The following CFAP46 variants were observed in gnomAD, a reference collection of about 807,000 sequenced individuals.
CFAP46 encodes cilia- and flagella-associated protein 46.
A neutral mutation model predicts 325.7 loss-of-function variants in CFAP46; 245 were observed. The ratio of observed to expected loss-of-function variants is 0.75; its 90% CI spans 0.68 to 0.84. The LOEUF (loss-of-function observed/expected upper bound fraction) is 0.84, where lower values mean the gene tolerates loss of function less well. Ranked by LOEUF, CFAP46 falls within the 40% of genes least tolerant of loss-of-function variation. The pLI is 0.00. For synonymous variants in CFAP46, 1,523 were observed against 1,495.9 expected, an observed-to-expected ratio of 1.02 and a Z score of -0.42; for missense variants, 3,346 against 3,543.0, an observed-to-expected ratio of 0.94 and a Z score of 1.41.
chr10:132,880,056 A>G (rs918164287), intron 28 of CFAP46, among the ~76,000 whole-genome samples: 1 of 152,148 alleles, frequency 6.6e-6, no homozygotes, highest in African/African-American at 2.4e-5. Flanking sequence ...GCCCTGAGCA[A>G]GCCAGCATTG....
chr10:132,910,691 A>G (rs1482210006), intron 19 of CFAP46, among the ~76,000 whole-genome samples: 2 of 152,168 alleles, frequency 1.3e-5, no homozygotes, highest in African/African-American at 4.8e-5. Context: ...TTGCTAACCC[A>G]GGGATGTCCC....
Position 132,847,036 on chromosome 10 carries a change from C to G in CFAP46, c.6163G>C (p.Gly2055Arg), listed in dbSNP as rs963977534. 6 of 1,612,160 alleles carry G rather than the reference C, an allele frequency of 3.7e-6. No homozygotes were observed. The highest frequency in any genetic ancestry group is 5.1e-6 in the Non-Finnish European group (6 of 1,179,848). ...GCTGCGACATCCAGGAGGCCACTGC[C>G]AAGGGCCACCTGTAGGCACTGCAGC... ...VLLQCLQVAL[G>R]SGLLDVAAAA... Residue 2055 changes from glycine (G) to arginine (R), a missense_variant, in exon 43 of 58, where the codon GGC becomes CGC. Transcript: ENST00000368586. The surrounding 1 kb of genome is among the most constrained non-coding windows in gnomAD (Gnocchi z 5.2).
intron 35 of CFAP46, among the ~76,000 whole-genome samples, chr10:132,862,817 G>A (rs11146552): frequency 0.32 from 48,043 of 148,820 alleles, 9,134 homozygotes; most frequent in Admixed American, 0.49. Context: ...GGGACGGGGC[G>A]GCCGGGCTGC....
intron 22 of CFAP46, among the ~76,000 whole-genome samples, chr10:132,902,647 T>A (rs1027059720): frequency 4.6e-5 from 7 of 152,228 alleles, no homozygotes; most frequent in Non-Finnish European, 1.0e-4. Context: ...TATTCTACTC[T>A]TTTCTTCCTG....
intron 8 of CFAP46, among the ~76,000 whole-genome samples, chr10:132,930,668 G>C (rs1473320504): frequency 2.4e-5 from 1 of 40,990 alleles, no homozygotes; most frequent in East Asian, 8.9e-4. Flanking sequence ...CACTCCCCAC[G>C]CAGAGCCTGG....
intron 3 of CFAP46, 96 bp from the exon 4 acceptor site, chr10:132,941,156 T>C: frequency 8.1e-7 from 1 of 1,234,250 alleles, no homozygotes; most frequent in East Asian, 2.3e-5. Context: ...GTTGGCCTGG[T>C]ACCCCCTGTG....
intron 4 of CFAP46, among the ~76,000 whole-genome samples, chr10:132,938,975 C>A (rs1020120882): frequency 2.0e-5 from 3 of 152,174 alleles, no homozygotes; most frequent in African/African-American, 7.2e-5. Flanking sequence ...CTGCGTCCGA[C>A]GTGCCATGGC....
chr10:132,883,801 T>C (rs1849082478), intron 27 of CFAP46, among the ~76,000 whole-genome samples: 1 of 152,188 alleles, frequency 6.6e-6, no homozygotes, highest in Non-Finnish European at 1.5e-5. Context: ...GGCGATGTCA[T>C]GCTGCATGAA....
intron 39 of CFAP46, among the ~76,000 whole-genome samples, chr10:132,854,835 T>C (rs952794203): frequency 1.3e-5 from 2 of 152,228 alleles, no homozygotes; most frequent in Non-Finnish European, 2.9e-5. Context: ...CCTGTTTCTA[T>C]GGATTTATCT....
In CFAP46 at chr10:132,832,547, T is replaced by G. The variant is rs780421623; in HGVS notation, c.7117+811A>C. 78 of 331,074 alleles carry G rather than the reference T, an allele frequency of 2.4e-4. No homozygotes were observed. The highest frequency in any genetic ancestry group is 1.0e-3 in the Middle Eastern group (1 of 958). 20.5% of individuals were successfully genotyped at this position (331,074 alleles called of 1,614,324 possible). On this transcript the variant is annotated intron_variant, in intron 50 of 57. Transcript: ENST00000368586. The surrounding 1 kb of genome is among the most constrained non-coding windows in gnomAD (Gnocchi z 4.1). ...CATTTCATGTGCTTTTCTCTGGTTT[T>G]TATTTGTCTCAGCTGGAAGAACGAA...
chr10:132,824,875 G>T (rs1404453256), intron 50 of CFAP46, among the ~76,000 whole-genome samples: 2 of 146,336 alleles, frequency 1.4e-5, no homozygotes, highest in African/African-American at 2.5e-5. Context: ...GATGTGTGCT[G>T]TGTGTGCAGT....
rs74161918 is a variant in CFAP46, at chr10:132,868,926, C to T, written c.4610+348G>A. The stretch of plus-strand genomic sequence containing the variant: ...AAGTGAACTCCTGCCTGAAGGCTGC[C>T]GGAGACGGGAGTGGCCTGACCGAGC... On this transcript the variant is annotated intron_variant, in intron 33 of 57. Coordinates refer to ENST00000368586, the MANE Select transcript of CFAP46 (RefSeq NM_001200049.3). 3.5e-3 allele frequency among the ~76,000 whole-genome samples: 531 copies of T among 152,352 alleles called. 4 individuals are homozygous for T. The highest frequency in any genetic ancestry group is 0.012 in the African/African-American group (507 of 41,582).
At chr10:132,926,478 AC>A in intron 10 of CFAP46, 89 bp downstream of exon 10, 1 of 935,508 alleles carries the variant, frequency 1.1e-6, no homozygotes, top group Non-Finnish European at 1.7e-6. Flanking sequence ...TGTCCCCAGC[AC>A]CCTCAAGCCT....
At position 132,817,076 on chromosome 10, in the gene CFAP46, A is replaced by G. The variant is rs1388040164; in HGVS notation, c.7118-2162T>C. On this transcript the variant is annotated intron_variant, in intron 50 of 57. Transcript: ENST00000368586. This position sits in a 1 kb window ranked among gnomAD's most constrained non-coding sequence, Gnocchi z 4.4. ...CTCTCTCTTTTTGCTCTTTGTCTGG[A>G]CCGTCAGTAATCCAGGCGTGGTAAA... Among the ~76,000 whole-genome samples, 1 of 152,114 alleles carries G rather than the reference A, an allele frequency of 6.6e-6. No homozygotes were observed.
chr10:132,914,028 C>CTGTGTCCAGCCACACTGCACCCCGG, intron 17 of CFAP46, among the ~76,000 whole-genome samples: 1 of 148,776 alleles, frequency 6.7e-6, no homozygotes, highest in Non-Finnish European at 1.5e-5. Flanking sequence ...CTGGCCCCCG[C>CTGTGTCCAGCCACACTGCACCCCGG]CCCGAGGCTG....
chr10:132,842,488 A>T (rs1159228830), intron 44 of CFAP46, among the ~76,000 whole-genome samples: 2 of 152,056 alleles, frequency 1.3e-5, no homozygotes, highest in Non-Finnish European at 2.9e-5. Context: ...ACCCTCAATG[A>T]TCCATTTACA....
intron 27 of CFAP46, among the ~76,000 whole-genome samples, chr10:132,881,997 ATGTGTGGTGTGTGTGGGATGTAAGGGG>A (rs1849050383): frequency 4.6e-5 from 3 of 64,856 alleles, no homozygotes; most frequent in Admixed American, 1.6e-4. Context: ...GATGTGGGGT[ATGTGTGGTGTGTGTGGGATGTAAGGGG>A]TGTGTGGTGT....
chr10:132,919,179 G>A lies in CFAP46; in HGVS notation c.1858+136C>T. ...GCGGTCCTGATAATTAGTGGGAACT[G>A]CTACCATTGTGACTTAGCAATACGC... On this transcript the variant is annotated intron_variant, in intron 15 of 57. Transcript: ENST00000368586. The surrounding 1 kb of genome is among the most constrained non-coding windows in gnomAD (Gnocchi z 9.7). 1 of 961,132 alleles carries A rather than the reference G, an allele frequency of 1.0e-6. No homozygotes were observed. The highest frequency in any genetic ancestry group is 1.5e-6 in the Non-Finnish European group (1 of 685,910). 59.5% of individuals were successfully genotyped at this position (961,132 alleles called of 1,614,324 possible).
At chr10:132,899,203 G>A (rs1849360011) in intron 23 of CFAP46, 82 bp from the exon 24 acceptor site, 1 of 1,438,050 alleles carries the variant, frequency 7.0e-7, no homozygotes, top group South Asian at 1.4e-5. Context: ...GGAAGGTCGG[G>A]CGCCCAGGGC....
Sources: gnomAD v4.1 joint callset for allele counts (sites outside exome capture counted in the v4.1 genomes callset) on GRCh38, gnomAD v4.1.1 for gene constraint, Gnocchi (gnomAD v3.1) non-coding constraint, MANE v1.5 for transcripts, NCBI Gene and HGNC (gene_info 2026-07-23, HGNC 2026-07-21) for gene names.